The following UGT1A10 variants were observed in gnomAD, a reference collection of about 807,000 sequenced individuals.
The protein encoded by UGT1A10 is UDP-glucuronosyltransferase 1A10.
Under a neutral mutation model 45.8 loss-of-function variants are expected in UGT1A10, and 49 were observed. The observed-to-expected ratio is 1.07, with a 90% CI of 0.85 to 1.36. UGT1A10 has a LOEUF of 1.36. UGT1A10 is among the 40% of genes most tolerant of loss of function. UGT1A10 has a pLI of 0.00. For synonymous variants in UGT1A10, 284 were observed against 249.7 expected (o/e 1.14, Z -1.29); for missense variants, 745 against 668.6 (o/e 1.11, Z -1.26).
At chr2:233,733,770 T>C (rs1256243948) in intron 1 of UGT1A10, among the ~76,000 whole-genome samples, 2 of 152,350 alleles carry the variant, frequency 1.3e-5, no homozygotes, top group East Asian at 3.9e-4. Context: ...AATTTTCTTT[T>C]TTTGTTGTGT....
At chr2:233,648,863 C>T in intron 1 of UGT1A10, 2 of 1,233,410 alleles carry the variant, frequency 1.6e-6, no homozygotes, top group South Asian at 2.4e-5. Context: ...TTAAACATAG[C>T]CTCTGAAATT....
chr2:233,652,944 A>G (rs1575402816), intron 1 of UGT1A10, among the ~76,000 whole-genome samples: 1 of 152,344 alleles, frequency 6.6e-6, no homozygotes, highest in East Asian at 1.9e-4. Flanking sequence ...TGTATGAGAA[A>G]CAACAACAAC....
chr2:233,646,352 G>T (rs946940616), intron 1 of UGT1A10, among the ~76,000 whole-genome samples: 1 of 152,150 alleles, frequency 6.6e-6, no homozygotes, highest in Non-Finnish European at 1.5e-5. Context: ...TTAACATTCG[G>T]CTCCTCATTA....
intron 1 of UGT1A10, among the ~76,000 whole-genome samples, chr2:233,724,133 G>A (rs1298685512): frequency 0.042 from 1,427 of 33,736 alleles, 2 homozygotes; most frequent in African/African-American, 0.058. Context: ...CTCACCTCCC[G>A]GACGGGGCGG....
chr2:233,672,752 G>T, intron 1 of UGT1A10: 1 of 1,613,866 alleles, frequency 6.2e-7, no homozygotes, highest in African/African-American at 1.3e-5. Flanking sequence ...ATCTTCATTG[G>T]TGGTATCAAC....
chr2:233,719,411 A>G, intron 1 of UGT1A10: 1 of 1,613,946 alleles, frequency 6.2e-7, no homozygotes. Context: ...TTCCTAAGTT[A>G]CTAACGACCA....
In UGT1A10 at chr2:233,671,919, C is replaced by T. The variant is rs373067496; in HGVS notation, c.855+34542C>T. The stretch of plus-strand genomic sequence containing the variant: ...GCTTAGATTCCCAGCTGCTTGCTCT[C>T]AGCTGCAGTTCTCTGATGGCTTGCA... On this transcript the variant is annotated intron_variant, in intron 1 of 4. Coordinates refer to ENST00000344644, the MANE Select transcript of UGT1A10 (RefSeq NM_019075.4). The T allele has an allele frequency of 5.6e-6, 9 of 1,592,956 alleles. No individual in the cohort carries two copies. The African/African-American group carries it at 8.1e-5, about 14-fold the overall frequency.
intron 1 of UGT1A10, chr2:233,713,749 C>T (rs1291086898): frequency 6.2e-7 from 1 of 1,613,848 alleles, no homozygotes; most frequent in African/African-American, 1.3e-5. Flanking sequence ...AGCCATGCAT[C>T]TGTGTGGCTG....
At position 233,769,420 on chromosome 2, in the gene UGT1A10, T is replaced by C; in HGVS notation, c.1295+981T>C. 1 of 1,459,970 alleles carries C rather than the reference T, an allele frequency of 6.8e-7. No homozygotes were observed. The highest frequency in any genetic ancestry group is 1.8e-4 in the Middle Eastern group (1 of 5,568). 90.4% of individuals were successfully genotyped at this position (1,459,970 alleles called of 1,614,324 possible). ...GCATATGTGCGTGTGCGTTTGTGCA[T>C]GTGGCTGTGCTCATGTGTGGGTGCA... is the stretch of plus-strand genomic sequence containing the variant. On this transcript the variant is annotated intron_variant, in intron 4 of 4. Coordinates refer to ENST00000344644, the MANE Select transcript of UGT1A10 (RefSeq NM_019075.4). This position sits in a 1 kb window ranked among gnomAD's most constrained non-coding sequence, Gnocchi z 4.4.
chr2:233,672,029 C>G (rs2074207677), intron 1 of UGT1A10: 5 of 1,614,058 alleles, frequency 3.1e-6, no homozygotes, highest in Non-Finnish European at 3.4e-6. Context: ...CTGGTAGTGC[C>G]CATGGATGGG....
In UGT1A10 at chr2:233,678,967, T is replaced by A. The variant is rs371211857; in HGVS notation, c.855+41590T>A. Among the ~76,000 whole-genome samples the A allele has an allele frequency of 1.2e-4, 18 of 152,348 alleles. No homozygotes were observed. The South Asian group carries it at 1.7e-3, about 14-fold the overall frequency. The stretch of plus-strand genomic sequence containing the variant: ...CAGAAGAAATGTACTGTTTGGGGCT[T>A]GGTGGCTTTCAAAGCTCTTTCTATA... On this transcript the variant is annotated intron_variant, in intron 1 of 4. Coordinates refer to ENST00000344644, the MANE Select transcript of UGT1A10 (RefSeq NM_019075.4).
rs141017445 is a variant in UGT1A10, at chr2:233,674,407, C to T, written c.855+37030C>T. Among the ~76,000 whole-genome samples the T allele has an allele frequency of 2.2e-3, 337 of 152,250 alleles. 2 individuals carry two copies. Among genetic ancestry groups the T allele is most frequent in the African/African-American group, 7.8e-3 (324 of 41,536 alleles). On this transcript the variant is annotated intron_variant, in intron 1 of 4. Transcript: ENST00000344644. Reference sequence around the variant, plus strand: ...TACCCTCCATAAATTATAGTATCCTCCATTAATTGTAGTAACAGGCACCAC... The same window carrying T: ...TACCCTCCATAAATTATAGTATCCTTCATTAATTGTAGTAACAGGCACCAC...
chr2:233,639,508 A>T (rs771588897), intron 1 of UGT1A10, among the ~76,000 whole-genome samples: 1 of 152,204 alleles, frequency 6.6e-6, no homozygotes, highest in Non-Finnish European at 1.5e-5. Context: ...AGTTGGTTAC[A>T]TCTTGCTGGG....
intron 1 of UGT1A10, chr2:233,747,336 G>A (rs1693629813): frequency 6.2e-7 from 1 of 1,603,524 alleles, no homozygotes; most frequent in Admixed American, 1.7e-5. Flanking sequence ...GCAGCCACTG[G>A]CTCGCATGCG....
At chr2:233,718,407 A>G (rs1424568880) in intron 1 of UGT1A10, among the ~76,000 whole-genome samples, 1 of 152,254 alleles carries the variant, frequency 6.6e-6, no homozygotes, top group African/African-American at 2.4e-5. Flanking sequence ...ATAGCGTCAC[A>G]TTCAGCAGAG....
At position 233,721,862 on chromosome 2, in the gene UGT1A10, T is replaced by C. The variant is rs1254741944; in HGVS notation, c.856-45172T>C. Reference sequence around the variant, plus strand: ...TGTGTCCAGCCCCACTGCTCGGCCCTGGGCACACTTGCCAGCCCCTCCATT... The same window carrying C: ...TGTGTCCAGCCCCACTGCTCGGCCCCGGGCACACTTGCCAGCCCCTCCATT... On this transcript the variant is annotated intron_variant, in intron 1 of 4. Coordinates refer to ENST00000344644, the MANE Select transcript of UGT1A10 (RefSeq NM_019075.4). 6 of 506,358 alleles carry C rather than the reference T, an allele frequency of 1.2e-5. No individual in the cohort carries two copies. The Admixed American group carries it at 1.2e-4, about 10-fold the overall frequency. The allele number at this position is 506,358 out of a possible 1,614,324, so 31.4% of individuals were successfully genotyped here.
At chr2:233,716,780 C>T (rs1189909178) in intron 1 of UGT1A10, among the ~76,000 whole-genome samples, 2 of 152,264 alleles carry the variant, frequency 1.3e-5, no homozygotes, top group Non-Finnish European at 2.9e-5. Context: ...GTCAGGCTTT[C>T]GGGATGCCTT....
chr2:233,750,128 G>T (rs1357269719), intron 1 of UGT1A10, among the ~76,000 whole-genome samples: 9 of 151,932 alleles, frequency 5.9e-5, no homozygotes, highest in African/African-American at 1.7e-4. Context: ...ATGTGGGAAA[G>T]TTTGGAACTT....
At chr2:233,756,421 TG>T (rs1436391565) in intron 1 of UGT1A10, 1 of 152,148 alleles carries the variant, frequency 6.6e-6, no homozygotes, top group African/African-American at 2.4e-5. Flanking sequence ...TTATTTGTAC[TG>T]TTTTTTTTTC....
Sources: gnomAD v4.1 joint callset for allele counts (sites outside exome capture counted in the v4.1 genomes callset) on GRCh38, gnomAD v4.1.1 for gene constraint, Gnocchi (gnomAD v3.1) non-coding constraint, MANE v1.5 for transcripts, NCBI Gene and HGNC (gene_info 2026-07-23, HGNC 2026-07-21) for gene names.